ROBO2: variants seen among roughly 807,000 people sequenced by gnomAD.
ROBO2 encodes the protein roundabout guidance receptor 2, also known as roundabout homolog 2.
Under a neutral mutation model 160.8 loss-of-function variants are expected in ROBO2, and 53 were observed. That is an observed-to-expected ratio of 0.33 (90% CI 0.26 to 0.41). The LOEUF (loss-of-function observed/expected upper bound fraction) is 0.41, where lower values mean the gene tolerates loss of function less well. ROBO2 is among the 10% of genes least tolerant of loss of function. ROBO2 has a pLI of 1.00. For synonymous variants in ROBO2, 664 were observed against 611.7 expected (o/e 1.09, Z -1.26); for missense variants, 1,577 against 1,722.4 (o/e 0.92, Z 1.49).
chr3:76,398,003 C>G (rs146998311), intron 2 of ROBO2, among the ~76,000 whole-genome samples: 5,236 of 152,180 alleles, frequency 0.034, 307 homozygotes, highest in East Asian at 0.26. Flanking sequence ...ATAAATCATG[C>G]TGCCATAAAG....
chr3:77,428,366 T>TTTTTG (rs1310748681), intron 2 of ROBO2, among the ~76,000 whole-genome samples: 1 of 109,282 alleles, frequency 9.2e-6, no homozygotes, highest in Non-Finnish European at 2.0e-5. Context: ...TTTTTTTTTT[T>TTTTTG]GAGACGGAGT....
intron 5 of ROBO2, among the ~76,000 whole-genome samples, chr3:77,510,607 C>A (rs1349507655): frequency 6.6e-6 from 1 of 151,984 alleles, no homozygotes; most frequent in African/African-American, 2.4e-5. Context: ...GTGCCTTGTG[C>A]AAATCTCAAA....
chr3:76,198,361 T>A (rs1369725890), intron 2 of ROBO2, among the ~76,000 whole-genome samples: 3 of 152,106 alleles, frequency 2.0e-5, no homozygotes, highest in Admixed American at 2.0e-4. Context: ...AAAACAGAGA[T>A]CTTAAGACTG....
intron 2 of ROBO2, among the ~76,000 whole-genome samples, chr3:76,971,867 A>G (rs919452747): frequency 1.3e-5 from 2 of 152,164 alleles, no homozygotes; most frequent in Non-Finnish European, 2.9e-5. Context: ...GTGTGTGGCA[A>G]AGGGAATCCC....
At chr3:76,291,702 A>G (rs1336481492) in intron 2 of ROBO2, among the ~76,000 whole-genome samples, 1 of 152,134 alleles carries the variant, frequency 6.6e-6, no homozygotes, top group Non-Finnish European at 1.5e-5. Flanking sequence ...GCTGTGTCCC[A>G]GAGATTTTGA....
At chr3:76,528,933 A>C (rs558591887) in intron 2 of ROBO2, among the ~76,000 whole-genome samples, 1 of 152,128 alleles carries the variant, frequency 6.6e-6, no homozygotes, top group Admixed American at 6.6e-5. Flanking sequence ...CCACAGTCTC[A>C]TATTCTGATA....
chr3:77,533,993 T>C (rs1582770076), intron 6 of ROBO2, among the ~76,000 whole-genome samples: 1 of 152,142 alleles, frequency 6.6e-6, no homozygotes, highest in South Asian at 2.1e-4. Flanking sequence ...ACTTTAAGTA[T>C]CATTTTTCCC....
At chr3:77,617,380 C>A in intron 21 of ROBO2, 133 bp from the exon 23 acceptor site, 1 of 983,168 alleles carries the variant, frequency 1.0e-6, no homozygotes, top group Non-Finnish European at 1.6e-6. Context: ...GTGACACCAA[C>A]AGCTTCAGGA....
chr3:76,750,865 A>G (rs1184299076), intron 2 of ROBO2, among the ~76,000 whole-genome samples: 1 of 152,126 alleles, frequency 6.6e-6, no homozygotes, highest in African/African-American at 2.4e-5. Context: ...AAATGGCCAT[A>G]CTGCCAAAGG....
intron 2 of ROBO2, among the ~76,000 whole-genome samples, chr3:76,744,135 A>G (rs556332456): frequency 8.5e-5 from 13 of 152,300 alleles, no homozygotes; most frequent in Admixed American, 2.6e-4. Flanking sequence ...TTAGAAGATG[A>G]GAGTTCGTTA....
At chr3:77,059,030 A>G (rs774948679) in intron 1 of ROBO2, among the ~76,000 whole-genome samples, 1 of 152,182 alleles carries the variant, frequency 6.6e-6, no homozygotes, top group Non-Finnish European at 1.5e-5. Context: ...ATCGTGCTGA[A>G]TATGTTTATA....
intron 2 of ROBO2, among the ~76,000 whole-genome samples, chr3:76,451,187 G>A (rs544285640): frequency 3.9e-4 from 59 of 152,116 alleles, no homozygotes; most frequent in Non-Finnish European, 8.8e-5. Context: ...GGCTAGTCAC[G>A]TGGACTCTTC....
intron 2 of ROBO2, among the ~76,000 whole-genome samples, chr3:76,352,129 C>A (rs1430255154): frequency 1.3e-5 from 2 of 151,954 alleles, no homozygotes; most frequent in Non-Finnish European, 2.9e-5. Flanking sequence ...AGAAGTACTT[C>A]ATTCCCTGTA....
intron 2 of ROBO2, among the ~76,000 whole-genome samples, chr3:76,631,562 G>A (rs1357337811): frequency 1.3e-5 from 2 of 152,148 alleles, no homozygotes; most frequent in African/African-American, 4.8e-5. Context: ...CAGAAAATAT[G>A]CCTTCATTGT....
chr3:75,910,192 A>G (rs562334846), intron 1 of ROBO2, among the ~76,000 whole-genome samples: 8 of 152,194 alleles, frequency 5.3e-5, no homozygotes, highest in Non-Finnish European at 1.2e-4. Context: ...CTGATGGCCC[A>G]GAAAAGCCTT....
chr3:75,925,071 A>G (rs1450745307), intron 1 of ROBO2, among the ~76,000 whole-genome samples: 2 of 151,974 alleles, frequency 1.3e-5, no homozygotes, highest in African/African-American at 4.8e-5. Flanking sequence ...GTGAAGGATG[A>G]TTATATAAAC....
chr3:77,384,157 G>C (rs2073855805), intron 2 of ROBO2, among the ~76,000 whole-genome samples: 1 of 152,104 alleles, frequency 6.6e-6, no homozygotes, highest in African/African-American at 2.4e-5. Flanking sequence ...TGTGATGTTT[G>C]GGTGGAGACT....
At chr3:76,895,418 G>A (rs1039174679) in intron 2 of ROBO2, among the ~76,000 whole-genome samples, 10 of 151,734 alleles carry the variant, frequency 6.6e-5, no homozygotes, top group African/African-American at 2.2e-4. Context: ...TCATAAATAA[G>A]TATTATATTT....
chr3:77,176,339 T>C (rs115877218), intron 2 of ROBO2, among the ~76,000 whole-genome samples: 1,988 of 152,110 alleles, frequency 0.013, 65 homozygotes, highest in African/African-American at 0.045. Context: ...TCAGTGAAAA[T>C]ACTCGGACGG....
Sources: allele counts gnomAD v4.1 joint callset (sites outside exome capture counted in the v4.1 genomes callset), GRCh38; gene constraint gnomAD v4.1.1; transcripts MANE v1.5; gene names NCBI Gene and HGNC (gene_info 2026-07-23, HGNC 2026-07-21).